MYO3A: variants seen among roughly 807,000 people sequenced by gnomAD.
MYO3A encodes myosin IIIA.
MYO3A carries 180 observed loss-of-function variants against 192.7 expected under a neutral mutation model. The observed-to-expected ratio is 0.93, with a 90% CI of 0.83 to 1.06. MYO3A has a LOEUF of 1.06. MYO3A is among the 50% of genes least tolerant of loss of function. The pLI is 0.00. For synonymous variants in MYO3A, 628 were observed against 645.3 expected (o/e 0.97, Z 0.41); for missense variants, 1,896 against 1,905.0 (o/e 1.00, Z 0.09).
chr10:26,080,939 G>A (rs1038197133), intron 14 of MYO3A, among the ~76,000 whole-genome samples: 9 of 152,218 alleles, frequency 5.9e-5, no homozygotes, highest in South Asian at 4.1e-4. Flanking sequence ...ATACCAGCAC[G>A]TGTTCTGGTG....
At position 26,068,797 on chromosome 10, in the gene MYO3A, T is replaced by G; in HGVS notation, c.1083T>G (p.Cys361Trp). ...CAGTCTCAGAGCAACTTGAGAAGTG[T>G]TATTCCAGAGATCAGATCTACGTCT... ...ENTVSEQLEK[C>W]YSRDQIYVYV... The change falls in exon 12 of 35, where the codon TGT becomes TGG. Residue 361 changes from cysteine (C) to tryptophan (W), a missense_variant. Transcript: ENST00000642920. The G allele has an allele frequency of 6.3e-7, 1 of 1,592,984 alleles. No homozygotes were observed. The highest frequency in any genetic ancestry group is 8.6e-7 in the Non-Finnish European group (1 of 1,161,004).
rs140851616 is a variant in MYO3A, at chr10:26,073,587, C to T, written c.1359+3186C>T. On this transcript the variant is annotated intron_variant, in intron 14 of 34. Coordinates refer to ENST00000642920, the MANE Select transcript of MYO3A (RefSeq NM_017433.5). Reference sequence around the variant, plus strand: ...CAGCCTGGGCAACAGTGCAAGATTGCGCCACTGCACTCCAGCCTGGGCAAC... The same window carrying T: ...CAGCCTGGGCAACAGTGCAAGATTGTGCCACTGCACTCCAGCCTGGGCAAC... Among the ~76,000 whole-genome samples, 828 of 147,444 alleles carry T rather than the reference C, an allele frequency of 5.6e-3. 17 individuals are homozygous for T. Among genetic ancestry groups the T allele is most frequent in the African/African-American group, 0.019 (765 of 40,328 alleles).
intron 14 of MYO3A, among the ~76,000 whole-genome samples, chr10:26,086,815 C>T: frequency 6.6e-6 from 1 of 152,056 alleles, no homozygotes; most frequent in South Asian, 2.1e-4. Context: ...GAGCTGAACA[C>T]TTGAATGAAT....
At chr10:26,078,453 C>A (rs376051208) in intron 14 of MYO3A, among the ~76,000 whole-genome samples, 2 of 151,948 alleles carry the variant, frequency 1.3e-5, no homozygotes, top group East Asian at 1.9e-4. Context: ...AAAGAACCAG[C>A]TTTTTGTTTC....
At chr10:26,089,844 G>T (rs749496586) in intron 15 of MYO3A, among the ~76,000 whole-genome samples, 4 of 152,130 alleles carry the variant, frequency 2.6e-5, no homozygotes, top group Non-Finnish European at 5.9e-5. Context: ...GGTACCTACA[G>T]TATATAGCAC....
intron 17 of MYO3A, among the ~76,000 whole-genome samples, chr10:26,097,493 C>T (rs926531969): frequency 4.6e-5 from 7 of 151,864 alleles, no homozygotes; most frequent in African/African-American, 1.7e-4. Flanking sequence ...CACATTAACT[C>T]GTCATTTACA....
chr10:26,091,857 G>T (rs753844779), intron 15 of MYO3A, among the ~76,000 whole-genome samples: 4 of 152,160 alleles, frequency 2.6e-5, no homozygotes, highest in African/African-American at 4.8e-5. Context: ...CATCCATCCA[G>T]CCATCCGTCT....
intron 14 of MYO3A, among the ~76,000 whole-genome samples, chr10:26,083,513 T>C (rs999175519): frequency 6.6e-6 from 1 of 152,220 alleles, no homozygotes; most frequent in Non-Finnish European, 1.5e-5. Context: ...CTCTTATTAG[T>C]ACTTCCAGTA....
chr10:25,991,300 A>G (rs1840013615), intron 4 of MYO3A, among the ~76,000 whole-genome samples: 1 of 152,228 alleles, frequency 6.6e-6, no homozygotes, highest in South Asian at 2.1e-4. Flanking sequence ...TGTTGGCTGC[A>G]TAAACGTCTT....
At position 25,997,246 on chromosome 10, in the gene MYO3A, C is replaced by G. The variant is rs1840512288; in HGVS notation, c.496C>G (p.Leu166Val). ...ATTGACCACGGAAGGTGGAGTGAAA[C>G]TAGTAGATTTTGGTAAGTTTTGTTT... ...ILLTTEGGVK[L>V]VDFGVSAQLT... The change falls in exon 6 of 35, where the codon CTA becomes GTA. Residue 166 changes from leucine to valine, a missense_variant. Coordinates refer to ENST00000642920, the MANE Select transcript of MYO3A (RefSeq NM_017433.5). 6.2e-7 allele frequency: 1 copy of G among 1,611,144 alleles called. No individual in the cohort carries two copies. The highest frequency in any genetic ancestry group is 1.7e-5 in the Admixed American group (1 of 59,992).
At chr10:25,993,466 C>T (rs1024932255) in intron 4 of MYO3A, among the ~76,000 whole-genome samples, 1 of 152,194 alleles carries the variant, frequency 6.6e-6, no homozygotes, top group Non-Finnish European at 1.5e-5. Context: ...AAAACCAGCT[C>T]CTGGATTCAT....
intron 4 of MYO3A, among the ~76,000 whole-genome samples, chr10:25,974,464 A>G (rs1838856482): frequency 6.6e-6 from 1 of 152,222 alleles, no homozygotes; most frequent in African/African-American, 2.4e-5. Flanking sequence ...AAATACAGTC[A>G]GAACCACTGC....
chr10:26,209,192 T>G (rs970295580), intron 34 of MYO3A, among the ~76,000 whole-genome samples: 3 of 152,186 alleles, frequency 2.0e-5, no homozygotes, highest in African/African-American at 7.2e-5. Context: ...ATGGATGACC[T>G]TTCCACCCTC....
rs375739230 is a variant in MYO3A, at chr10:26,125,481, A to T, written c.1987A>T (p.Ile663Leu). 7 of 1,613,954 alleles carry T rather than the reference A, an allele frequency of 4.3e-6. No individual in the cohort carries two copies. Among genetic ancestry groups the T allele is most frequent in the African/African-American group, 1.3e-5 (1 of 74,930 alleles). The change falls in exon 19 of 35, where the codon ATA (isoleucine) becomes TTA (leucine). Residue 663 changes from isoleucine to leucine, a missense_variant. Coordinates refer to ENST00000642920, the MANE Select transcript of MYO3A (RefSeq NM_017433.5). ...HCVVTRGETI[I>L]RPNTVEKATD... ...TGTGGTCACTAGAGGAGAAACAATT[A>T]TACGACCCAATACTGTAGAAAAAGC...
At chr10:26,161,700 G>A (rs1841493016) in intron 26 of MYO3A, among the ~76,000 whole-genome samples, 1 of 152,126 alleles carries the variant, frequency 6.6e-6, no homozygotes, top group Non-Finnish European at 1.5e-5. Context: ...TAAGTATTAG[G>A]TGAAATAATA....
chr10:26,176,896 A>T (rs761742622), intron 31 of MYO3A, 51 bp downstream of exon 31: 1 of 1,590,858 alleles, frequency 6.3e-7, no homozygotes, highest in African/African-American at 1.3e-5. Flanking sequence ...AATGCCAGAT[A>T]CTTTGTTTAT....
intron 10 of MYO3A, among the ~76,000 whole-genome samples, chr10:26,031,890 C>T (rs1842816561): frequency 6.6e-6 from 1 of 152,118 alleles, no homozygotes; most frequent in Non-Finnish European, 1.5e-5. Context: ...ATTGTCATTC[C>T]TCATAAATAA....
intron 14 of MYO3A, among the ~76,000 whole-genome samples, chr10:26,086,813 C>A (rs1347128213): frequency 6.6e-6 from 1 of 152,032 alleles, no homozygotes; most frequent in Admixed American, 6.5e-5. Context: ...AGGAGCTGAA[C>A]ACTTGAATGA....
chr10:25,934,712 A>T (rs150431528), intron 1 of MYO3A, among the ~76,000 whole-genome samples: 11 of 145,466 alleles, frequency 7.6e-5, no homozygotes. Flanking sequence ...TGAGGGGTGG[A>T]CTTGAGGGAA....
Sources: gnomAD v4.1 joint callset for allele counts (sites outside exome capture counted in the v4.1 genomes callset) on GRCh38, gnomAD v4.1.1 for gene constraint, MANE v1.5 for transcripts, NCBI Gene and HGNC (gene_info 2026-07-23, HGNC 2026-07-21) for gene names.